CSMD1: variants seen among roughly 807,000 people sequenced by gnomAD.
CSMD1 encodes CUB and sushi domain-containing protein 1.
In CSMD1, 213 loss-of-function variants were observed where a neutral mutation model predicts 417.5. That is an observed-to-expected ratio of 0.51 (90% CI 0.46 to 0.57). The LOEUF (loss-of-function observed/expected upper bound fraction) is 0.57. CSMD1 is among the 20% of genes least tolerant of loss of function. The pLI, the probability that CSMD1 is intolerant of heterozygous loss-of-function variation, is 0.00. For missense variants in CSMD1, 6,923 were observed against 4,529.7 expected, an observed-to-expected ratio of 1.53 and a Z score of -15.17; for synonymous variants, 2,862 against 1,736.8, an observed-to-expected ratio of 1.65 and a Z score of -16.11.
At chr8:3,673,655 C>G (rs1214121519) in intron 7 of CSMD1, among the ~76,000 whole-genome samples, 1 of 152,166 alleles carries the variant, frequency 6.6e-6, no homozygotes, top group Non-Finnish European at 1.5e-5. Context: ...ATATATAAAG[C>G]ATTTACGGTG....
At chr8:4,253,417 T>TC (rs1803222949) in intron 3 of CSMD1, among the ~76,000 whole-genome samples, 2 of 151,682 alleles carry the variant, frequency 1.3e-5, no homozygotes, top group Non-Finnish European at 2.9e-5. Flanking sequence ...TATATTTTTT[T>TC]CCCACACCAG....
rs555117375 is a variant in CSMD1 at position 4,608,070 on chromosome 8, A to T, written c.302+29272T>A. 5.3e-5 allele frequency among the ~76,000 whole-genome samples: 8 copies of T among 152,188 alleles called. No homozygotes were observed. The South Asian group carries it at 1.7e-3, about 32-fold the overall frequency. On this transcript the variant is annotated intron_variant, in intron 2 of 69. Transcript: ENST00000635120. Reference sequence around the variant, plus strand: ...TGTTCCAGGTGAAGGCCCTGGGAGGAGATGGTGCTTGGTGTATTCGAAACC... The same window carrying T: ...TGTTCCAGGTGAAGGCCCTGGGAGGTGATGGTGCTTGGTGTATTCGAAACC...
chr8:4,534,730 C>T (rs1461103223), intron 2 of CSMD1, among the ~76,000 whole-genome samples: 1 of 152,086 alleles, frequency 6.6e-6, no homozygotes, highest in Non-Finnish European at 1.5e-5. Context: ...AGGATTATGA[C>T]CTCCAACTCC....
intron 17 of CSMD1, among the ~76,000 whole-genome samples, chr8:3,390,320 A>G (rs1321952216): frequency 7.5e-6 from 1 of 132,886 alleles, no homozygotes; most frequent in East Asian, 2.5e-4. Flanking sequence ...GTGCCGTTGC[A>G]TTCCAGCCTG....
At chr8:4,736,436 C>T (rs1299836888) in intron 1 of CSMD1, among the ~76,000 whole-genome samples, 1 of 152,094 alleles carries the variant, frequency 6.6e-6, no homozygotes, top group East Asian at 1.9e-4. Context: ...TTTGCATGAA[C>T]AGAGAGAAGC....
intron 2 of CSMD1, among the ~76,000 whole-genome samples, chr8:4,479,674 C>T (rs1624021): frequency 0.67 from 102,351 of 151,880 alleles, 34,732 homozygotes; most frequent in Middle Eastern, 0.8. Flanking sequence ...GGTGGGTAGA[C>T]CACGAGGTCA....
intron 3 of CSMD1, among the ~76,000 whole-genome samples, chr8:4,197,972 G>GGAATAAAGTAAT (rs1396887205): frequency 6.6e-6 from 1 of 152,138 alleles, no homozygotes; most frequent in Non-Finnish European, 1.5e-5. Context: ...CTTGACTCTG[G>GGAATAAAGTAAT]GAATAAAGTA....
intron 26 of CSMD1, among the ~76,000 whole-genome samples, chr8:3,272,543 T>C (rs571118370): frequency 7.2e-6 from 1 of 138,890 alleles, no homozygotes; most frequent in African/African-American, 2.7e-5. Flanking sequence ...TTTCACGATA[T>C]TGATTCTTCC....
chr8:3,263,600 T>A (rs1024240198), intron 26 of CSMD1, among the ~76,000 whole-genome samples: 15 of 152,232 alleles, frequency 9.9e-5, no homozygotes, highest in Admixed American at 9.8e-4. Context: ...TGTTTTAATA[T>A]TTTTAGTATG....
At chr8:3,044,722 C>A (rs1345416913) in intron 50 of CSMD1, among the ~76,000 whole-genome samples, 1 of 152,116 alleles carries the variant, frequency 6.6e-6, no homozygotes, top group Non-Finnish European at 1.5e-5. Flanking sequence ...CTTATTATAA[C>A]CTTCATTTTA....
intron 7 of CSMD1, among the ~76,000 whole-genome samples, chr8:3,679,314 G>A (rs1190783850): frequency 6.6e-6 from 1 of 152,092 alleles, no homozygotes; most frequent in Admixed American, 6.6e-5. Flanking sequence ...GACACACATA[G>A]GCTCAAAATA....
At chr8:4,177,584 C>T (rs1263791302) in intron 3 of CSMD1, among the ~76,000 whole-genome samples, 1 of 151,270 alleles carries the variant, frequency 6.6e-6, no homozygotes, top group African/African-American at 2.4e-5. Flanking sequence ...AAAATCAGAG[C>T]AGAACTGAAG....
intron 5 of CSMD1, among the ~76,000 whole-genome samples, chr8:3,789,429 TTTTTTTTTAAG>T (rs1799613012): frequency 1.9e-5 from 2 of 106,512 alleles, no homozygotes; most frequent in African/African-American, 7.2e-5. Flanking sequence ...TTAAGTAGTG[TTTTTTTTTAAG>T]TGTTTTTTTT....
intron 3 of CSMD1, among the ~76,000 whole-genome samples, chr8:4,086,491 G>C (rs757616471): frequency 7.2e-5 from 11 of 152,044 alleles, no homozygotes; most frequent in Non-Finnish European, 1.0e-4. Flanking sequence ...TACATTCATG[G>C]AATTCTAACT....
intron 1 of CSMD1, among the ~76,000 whole-genome samples, chr8:4,905,109 C>G (rs138376386): frequency 2.2e-4 from 33 of 152,178 alleles, no homozygotes; most frequent in African/African-American, 7.0e-4. Context: ...ATTTTTAGTG[C>G]TCTATATACT....
chr8:4,072,016 T>C (rs1799584503), intron 3 of CSMD1, among the ~76,000 whole-genome samples: 1 of 152,200 alleles, frequency 6.6e-6, no homozygotes, highest in African/African-American at 2.4e-5. Context: ...GATGTGGTTT[T>C]GCTGGTTCAG....
chr8:4,679,694 G>A (rs1410602541), intron 1 of CSMD1, among the ~76,000 whole-genome samples: 3 of 151,504 alleles, frequency 2.0e-5, no homozygotes, highest in Non-Finnish European at 2.9e-5. Context: ...CAAGAACCCA[G>A]ACACTCAGTG....
chr8:4,187,959 C>T (rs1369192593), intron 3 of CSMD1, among the ~76,000 whole-genome samples: 1 of 151,958 alleles, frequency 6.6e-6, no homozygotes, highest in African/African-American at 2.4e-5. Context: ...GTAGATACTA[C>T]CATGGGTATT....
intron 3 of CSMD1, among the ~76,000 whole-genome samples, chr8:4,051,410 G>C (rs1186511558): frequency 1.3e-5 from 2 of 151,958 alleles, no homozygotes; most frequent in Admixed American, 6.6e-5. Context: ...GCATAATGTA[G>C]TTAAATCAGA....
Sources: allele counts gnomAD v4.1 joint callset (sites outside exome capture counted in the v4.1 genomes callset), GRCh38; gene constraint gnomAD v4.1.1; transcripts MANE v1.5; gene names NCBI Gene and HGNC (gene_info 2026-07-23, HGNC 2026-07-21).